Variants in MBP observed in about 807,000 individuals in gnomAD.
MBP encodes Golli-MBP.
A neutral mutation model predicts 35.8 loss-of-function variants in MBP; 16 were observed. The observed-to-expected ratio is 0.45, with a 90% confidence interval of 0.30 to 0.68. The LOEUF is 0.68. Among genes scored for constraint, MBP ranks in the 30% least tolerant of loss-of-function variants. The pLI is 0.08. For synonymous variants in MBP, 143 were observed against 159.6 expected, an observed-to-expected ratio of 0.90 and a Z score of 0.78; for missense variants, 380 against 404.7, an observed-to-expected ratio of 0.94 and a Z score of 0.52.
At chr18:77,023,137 A>G (rs1665601421) in intron 3 of MBP, among the ~76,000 whole-genome samples, 1 of 152,222 alleles carries the variant, frequency 6.6e-6, no homozygotes, top group Non-Finnish European at 1.5e-5. Flanking sequence ...TATTCAAATC[A>G]CTGACCATCT....
intron 3 of MBP, among the ~76,000 whole-genome samples, chr18:77,045,263 G>A (rs1973188047): frequency 6.6e-6 from 1 of 151,420 alleles, no homozygotes; most frequent in Non-Finnish European, 1.5e-5. Flanking sequence ...ATGCACAACT[G>A]GGTGTTAAAC....
chr18:76,990,812 A>G (rs2123148899), intron 4 of MBP: 2 of 226,508 alleles, frequency 8.8e-6, no homozygotes, highest in East Asian at 1.7e-4. Context: ...GCCACAGATG[A>G]GCCACCAGAC....
At chr18:77,105,945 G>A (rs935869853) in intron 1 of MBP, among the ~76,000 whole-genome samples, 1 of 152,192 alleles carries the variant, frequency 6.6e-6, no homozygotes, top group African/African-American at 2.4e-5. Flanking sequence ...GCAAAGAACG[G>A]AAGAATTGAG....
chr18:77,090,003 G>C (rs1244337349), intron 2 of MBP, among the ~76,000 whole-genome samples: 1 of 152,178 alleles, frequency 6.6e-6, no homozygotes, highest in Non-Finnish European at 1.5e-5. Flanking sequence ...TCCAAGTCTT[G>C]GTGGGATTTG....
chr18:77,052,363 C>T (rs1210578051), intron 3 of MBP, among the ~76,000 whole-genome samples: 1 of 152,152 alleles, frequency 6.6e-6, no homozygotes, highest in African/African-American at 2.4e-5. Flanking sequence ...TGGATGGGGG[C>T]ACCTGTGAGC....
chr18:77,028,002 A>ATTTATTTATTTATTTATTTT lies in MBP; in HGVS notation c.140-10735_140-10734insAAAATAAATAAATAAATAAA, dbSNP rs963362425. On this transcript the variant is annotated intron_variant, in intron 3 of 8. Transcript: ENST00000355994. The stretch of plus-strand genomic sequence containing the variant: ...CTAATTTTTATTTATTTATTTATTT[A>ATTTATTTATTTATTTATTTT]TTTTTTTATTGATCATTCTTGGGTG... Among the ~76,000 whole-genome samples the ATTTATTTATTTATTTATTTT allele has an allele frequency of 2.0e-5, 3 of 150,404 alleles. No individual in the cohort carries two copies. The East Asian group carries it at 5.9e-4, about 30-fold the overall frequency.
intron 3 of MBP, among the ~76,000 whole-genome samples, chr18:77,023,285 A>C (rs987825771): frequency 2.6e-5 from 4 of 152,218 alleles, no homozygotes; most frequent in African/African-American, 9.7e-5. Flanking sequence ...GAGGAAGCTC[A>C]TCTTCCACTG....
chr18:77,085,771 A>G (rs1667912), intron 2 of MBP, among the ~76,000 whole-genome samples: 149,182 of 150,806 alleles, frequency 0.99, 73,807 homozygotes, highest in East Asian at 1. Flanking sequence ...CGCAACCTCC[A>G]CCTCCCGGTT....
chr18:77,000,883 G>A (rs1486560850), intron 4 of MBP, among the ~76,000 whole-genome samples: 1 of 152,076 alleles, frequency 6.6e-6, no homozygotes, highest in Non-Finnish European at 1.5e-5. Context: ...ATTTCCACTC[G>A]GATTTTATTA....
chr18:77,048,910 GT>G (rs571295221), intron 3 of MBP, among the ~76,000 whole-genome samples: 1 of 151,704 alleles, frequency 6.6e-6, no homozygotes, highest in East Asian at 1.9e-4. Context: ...CGAGGGCAGG[GT>G]TTTTTTTTAA....
Position 77,102,128 on chromosome 18 carries a change from G to T in MBP, c.51+3083C>A, listed in dbSNP as rs1456718948. ...GAGGAAAGAATCATCTAGTGTGGGT[G>T]GGGAGAGGTGGAGAAGGTGGCAGCA... On this transcript the variant is annotated intron_variant, in intron 2 of 8. Transcript: ENST00000355994. This position sits in a 1 kb window ranked among gnomAD's most constrained non-coding sequence, Gnocchi z 4.4. 1.3e-5 allele frequency among the ~76,000 whole-genome samples: 2 copies of T among 152,100 alleles called. No individual in the cohort carries two copies. The highest frequency in any genetic ancestry group is 1.3e-4 in the Admixed American group (2 of 15,268).
At chr18:77,029,348 C>G (rs1052053095) in intron 3 of MBP, among the ~76,000 whole-genome samples, 2,410 of 147,752 alleles carry the variant, frequency 0.016, 67 homozygotes, top group African/African-American at 0.057. Context: ...TGCAGTGAGC[C>G]GAGATGGCAG....
chr18:76,982,919 C>T (rs1599454064), intron 8 of MBP: 1 of 152,298 alleles, frequency 6.6e-6, no homozygotes, highest in East Asian at 1.9e-4. Flanking sequence ...TTTTTAAAAG[C>T]TTCTTACAAA....
intron 2 of MBP, among the ~76,000 whole-genome samples, chr18:77,092,351 C>T (rs1302995264): frequency 6.6e-6 from 1 of 152,204 alleles, no homozygotes; most frequent in East Asian, 1.9e-4. Flanking sequence ...CCCAGGAAAC[C>T]CAGCCCCTCC....
At chr18:77,126,331 TA>T (rs1197962575) in intron 1 of MBP, among the ~76,000 whole-genome samples, 2 of 152,166 alleles carry the variant, frequency 1.3e-5, no homozygotes, top group Non-Finnish European at 2.9e-5. Flanking sequence ...CTCATGAACA[TA>T]TAAATTGTCC....
At chr18:76,999,418 C>CA (rs1463707424) in intron 4 of MBP, among the ~76,000 whole-genome samples, 1 of 152,014 alleles carries the variant, frequency 6.6e-6, no homozygotes, top group Non-Finnish European at 1.5e-5. Context: ...AGCTGAACTT[C>CA]AGCTCTCTAG....
chr18:76,998,533 C>T (rs572035066), intron 4 of MBP, among the ~76,000 whole-genome samples: 2 of 152,082 alleles, frequency 1.3e-5, no homozygotes, highest in South Asian at 4.1e-4. Context: ...CCCATGCCCT[C>T]GGGTGACTCG....
At chr18:77,105,423 A>G (rs1976236855) in intron 1 of MBP, 137 bp from the exon 2 acceptor site, 4 of 553,656 alleles carry the variant, frequency 7.2e-6, no homozygotes, top group Admixed American at 2.7e-5. Flanking sequence ...CCCTGAAAAC[A>G]GAAGAGACAC....
rs192835681 is a variant in MBP, at chr18:77,088,810, G to A, written c.51+16401C>T. On this transcript the variant is annotated intron_variant, in intron 2 of 8. Transcript: ENST00000355994. Reference sequence around the variant, plus strand: ...TTTCCCCCAAAAATAATATGCCCAAGTCCTAGCCCCTAGCGCCTTGAAGAT... The same window carrying A: ...TTTCCCCCAAAAATAATATGCCCAAATCCTAGCCCCTAGCGCCTTGAAGAT... Among the ~76,000 whole-genome samples the A allele has an allele frequency of 2.0e-5, 3 of 152,286 alleles. No homozygotes were observed. In the East Asian group the frequency reaches 5.8e-4, roughly 29 times the overall value.
Sources: gnomAD v4.1 joint callset for allele counts (sites outside exome capture counted in the v4.1 genomes callset) on GRCh38, gnomAD v4.1.1 for gene constraint, Gnocchi (gnomAD v3.1) non-coding constraint, MANE v1.5 for transcripts, NCBI Gene and HGNC (gene_info 2026-07-23, HGNC 2026-07-21) for gene names.